The following ASXL3 variants were observed in gnomAD, a reference collection of about 807,000 sequenced individuals.
ASXL3 encodes ASXL transcriptional regulator 3.
In ASXL3, 34 loss-of-function variants were observed where a neutral mutation model predicts 170.6. The ratio of observed to expected loss-of-function variants is 0.20; its 90% CI spans 0.15 to 0.27. The LOEUF (loss-of-function observed/expected upper bound fraction) is 0.27, where lower values mean the gene tolerates loss of function less well. Among genes scored for constraint, ASXL3 ranks in the 10% least tolerant of loss-of-function variants. The probability of loss-of-function intolerance (pLI) is 1.00; values close to 1 mark genes in which losing one functional copy is unlikely to be tolerated. For missense variants in ASXL3, 2,592 were observed against 2,695.3 expected (o/e 0.96, Z 0.85); for synonymous variants, 1,002 against 989.1 (o/e 1.01, Z -0.24).
At chr18:33,706,139 T>C (rs2066952466) in intron 8 of ASXL3, among the ~76,000 whole-genome samples, 1 of 151,536 alleles carries the variant, frequency 6.6e-6, no homozygotes, top group Non-Finnish European at 1.5e-5. Context: ...GTACTTTTAG[T>C]AGCTGTACTT....
intron 2 of ASXL3, among the ~76,000 whole-genome samples, chr18:33,639,095 C>A (rs941305060): frequency 1.3e-5 from 2 of 152,078 alleles, no homozygotes; most frequent in Non-Finnish European, 2.9e-5. Context: ...ATTCTTTTTA[C>A]ATTTAGATGT....
intron 8 of ASXL3, among the ~76,000 whole-genome samples, chr18:33,703,322 C>T (rs1015985162): frequency 6.6e-6 from 1 of 152,090 alleles, no homozygotes; most frequent in Non-Finnish European, 1.5e-5. Flanking sequence ...GTCTCTGCTT[C>T]GGATGGGGAC....
At chr18:33,659,482 G>T (rs1188262346) in intron 4 of ASXL3, among the ~76,000 whole-genome samples, 1 of 151,972 alleles carries the variant, frequency 6.6e-6, no homozygotes, top group Non-Finnish European at 1.5e-5. Context: ...TTTTGGCTGG[G>T]CATACATGAG....
intron 7 of ASXL3, among the ~76,000 whole-genome samples, chr18:33,682,693 C>T (rs2066532940): frequency 6.6e-6 from 1 of 152,032 alleles, no homozygotes; most frequent in African/African-American, 2.4e-5. Flanking sequence ...AACACAGGTG[C>T]ATGCCACCAC....
At chr18:33,600,311 A>G (rs142701879) in intron 1 of ASXL3, among the ~76,000 whole-genome samples, 1 of 152,294 alleles carries the variant, frequency 6.6e-6, no homozygotes, top group African/African-American at 2.4e-5. Context: ...ACCTTACGTG[A>G]TAAAACAGTG....
chr18:33,652,603 C>CCAAAAAAAAA (rs2066018100), intron 4 of ASXL3, among the ~76,000 whole-genome samples: 2 of 112,326 alleles, frequency 1.8e-5, no homozygotes, highest in South Asian at 3.1e-4. Flanking sequence ...TCTGTTGGGG[C>CCAAAAAAAAA]AAAAAAAAAA....
intron 8 of ASXL3, among the ~76,000 whole-genome samples, chr18:33,724,264 G>A (rs1483091692): frequency 6.6e-6 from 1 of 151,926 alleles, no homozygotes; most frequent in Non-Finnish European, 1.5e-5. Context: ...TTTTGACAGT[G>A]GTTGCAAAGA....
chr18:33,666,807 G>A (rs1255375837), intron 5 of ASXL3, among the ~76,000 whole-genome samples: 2 of 152,124 alleles, frequency 1.3e-5, no homozygotes, highest in Non-Finnish European at 1.5e-5. Context: ...TCAAGATTTG[G>A]GGTGTGTGTG....
intron 2 of ASXL3, among the ~76,000 whole-genome samples, chr18:33,643,700 AT>A (rs1480698198): frequency 4.6e-5 from 7 of 151,938 alleles, no homozygotes; most frequent in African/African-American, 1.7e-4. Context: ...TAAGTAAGAG[AT>A]TTGATAGTCT....
At position 33,744,223 on chromosome 18, in the gene ASXL3, G is replaced by C. The variant is rs1165955456; in HGVS notation, c.4375G>C (p.Gly1459Arg). ...TGGAAAACCTCAGCAACCACCAGGG[G>C]GCTTTGCACCAGCAGCCATAAACCG... is the stretch of plus-strand genomic sequence containing the variant. ...NSGKPQQPPG[G>R]FAPAAINRSI... The change falls in exon 12 of 12, where the codon GGC (glycine) becomes CGC (arginine). Residue 1459 changes from glycine to arginine, a missense_variant. This residue lies in a region of ASXL3 where 2,246 missense variants were observed against 2,219.6 expected (regional missense o/e 1.01). Transcript: ENST00000269197. 2 of 1,613,930 alleles carry C rather than the reference G, an allele frequency of 1.2e-6. No individual in the cohort carries two copies. Among genetic ancestry groups the C allele is most frequent in the East Asian group, 4.5e-5 (2 of 44,878 alleles).
At chr18:33,599,736 A>G (rs1455462758) in intron 1 of ASXL3, among the ~76,000 whole-genome samples, 1 of 152,152 alleles carries the variant, frequency 6.6e-6, no homozygotes, top group Non-Finnish European at 1.5e-5. Flanking sequence ...ACTTTCAATA[A>G]TCAGCTATTT....
intron 8 of ASXL3, among the ~76,000 whole-genome samples, chr18:33,703,822 T>A (rs917340386): frequency 6.6e-6 from 1 of 152,144 alleles, no homozygotes; most frequent in African/African-American, 2.4e-5. Flanking sequence ...AATAACTGTT[T>A]CTTCATTTGT....
At chr18:33,610,955 C>T (rs1464874263) in intron 2 of ASXL3, among the ~76,000 whole-genome samples, 1 of 152,046 alleles carries the variant, frequency 6.6e-6, no homozygotes, top group Non-Finnish European at 1.5e-5. Context: ...GTGAAAGCCA[C>T]TGGTTTGAAC....
chr18:33,637,766 CATGAT>C (rs2065790896), intron 2 of ASXL3, among the ~76,000 whole-genome samples: 1 of 152,100 alleles, frequency 6.6e-6, no homozygotes, highest in Admixed American at 6.6e-5. Flanking sequence ...GAGTCAATGA[CATGAT>C]ATGTTTGTAC....
intron 2 of ASXL3, among the ~76,000 whole-genome samples, chr18:33,639,380 G>A (rs921250029): frequency 1.4e-4 from 22 of 152,136 alleles, no homozygotes; most frequent in African/African-American, 4.8e-4. Flanking sequence ...CTCGTTGTTC[G>A]CCACCGCCCT....
At chr18:33,676,205 C>T (rs1238425539) in intron 7 of ASXL3, among the ~76,000 whole-genome samples, 2 of 60,486 alleles carry the variant, frequency 3.3e-5, no homozygotes, top group Non-Finnish European at 6.5e-5. Context: ...GCCTGGGTGA[C>T]GAGCGAGACT....
At chr18:33,608,591 A>G (rs1481942086) in intron 2 of ASXL3, among the ~76,000 whole-genome samples, 2 of 151,948 alleles carry the variant, frequency 1.3e-5, no homozygotes, top group Non-Finnish European at 2.9e-5. Context: ...AAGGTTTACT[A>G]TAGGATAAAA....
intron 7 of ASXL3, among the ~76,000 whole-genome samples, chr18:33,680,662 T>C (rs2066500149): frequency 6.6e-6 from 1 of 152,086 alleles, no homozygotes; most frequent in South Asian, 2.1e-4. Flanking sequence ...GGTCACTATA[T>C]ATTCCCAGTA....
intron 5 of ASXL3, among the ~76,000 whole-genome samples, chr18:33,668,639 T>C (rs1400747247): frequency 6.6e-6 from 1 of 152,096 alleles, no homozygotes; most frequent in Non-Finnish European, 1.5e-5. Flanking sequence ...GACTATACCT[T>C]GTCTTTTTAA....
Sources: gnomAD v4.1 joint callset for allele counts (sites outside exome capture counted in the v4.1 genomes callset) on GRCh38, gnomAD v4.1.1 for gene constraint, gnomAD v4.1.1 regional missense constraint, MANE v1.5 for transcripts, NCBI Gene and HGNC (gene_info 2026-07-23, HGNC 2026-07-21) for gene names.